The following SLC6A15 variants were observed in gnomAD, a reference collection of about 807,000 sequenced individuals.
The protein encoded by SLC6A15 is sodium-dependent neutral amino acid transporter B(0)AT2.
A neutral mutation model predicts 68.5 loss-of-function variants in SLC6A15; 33 were observed. That is an observed-to-expected ratio of 0.48 (90% CI 0.37 to 0.64). The LOEUF (loss-of-function observed/expected upper bound fraction) is 0.64, where lower values mean the gene tolerates loss of function less well. Among genes scored for constraint, SLC6A15 ranks in the 30% least tolerant of loss-of-function variants. The probability of loss-of-function intolerance (pLI) is 0.00; values close to 1 mark genes in which losing one functional copy is unlikely to be tolerated. For missense variants in SLC6A15, 747 were observed against 874.3 expected, an observed-to-expected ratio of 0.85 and a Z score of 1.84; for synonymous variants, 347 against 301.0, an observed-to-expected ratio of 1.15 and a Z score of -1.58.
chr12:84,864,241 A>C (rs915672649), intron 10 of SLC6A15, among the ~76,000 whole-genome samples: 1 of 150,930 alleles, frequency 6.6e-6, no homozygotes, highest in African/African-American at 2.4e-5. Flanking sequence ...TTCTTTTTAC[A>C]TTCCGAATTT....
At chr12:84,894,580 A>G (rs574740898) in intron 1 of SLC6A15, among the ~76,000 whole-genome samples, 5 of 152,282 alleles carry the variant, frequency 3.3e-5, no homozygotes, top group African/African-American at 1.2e-4. Flanking sequence ...AGTGTGAACC[A>G]TGAATCTCCC....
chr12:84,892,064 A>T lies in SLC6A15; in HGVS notation c.57T>A (p.Ser19=). 1 of 1,613,946 alleles carries T rather than the reference A, an allele frequency of 6.2e-7. No homozygotes were observed. Among genetic ancestry groups the T allele is most frequent in the Non-Finnish European group, 8.5e-7 (1 of 1,179,952 alleles). The change falls in exon 2 of 12, where the codon TCT becomes TCA. Residue 19 remains serine, a synonymous_variant. Transcript: ENST00000266682. ...KRELDDDVTE[S]VKDLLSNEDA... is the part of the protein sequence containing the mutation. The stretch of plus-strand genomic sequence containing the variant: ...CTTCATTGGAAAGAAGGTCTTTGAC[A>T]GACTCAGTAACATCATCATCTAATT...
intron 2 of SLC6A15, among the ~76,000 whole-genome samples, chr12:84,889,535 A>AAAATAAAAAT (rs1268096412): frequency 6.6e-6 from 1 of 151,780 alleles, no homozygotes; most frequent in African/African-American, 2.4e-5. Flanking sequence ...AATAAAAATA[A>AAAATAAAAAT]AAAAAACAGT....
chr12:84,893,235 C>A (rs1309682117), intron 1 of SLC6A15, among the ~76,000 whole-genome samples: 1 of 152,098 alleles, frequency 6.6e-6, no homozygotes, highest in East Asian at 1.9e-4. Flanking sequence ...AATGACCCAA[C>A]ATTATTACAA....
chr12:84,879,641 A>G (rs1012382710), intron 5 of SLC6A15, among the ~76,000 whole-genome samples: 1 of 151,878 alleles, frequency 6.6e-6, no homozygotes, highest in Non-Finnish European at 1.5e-5. Context: ...CACACTTTGT[A>G]TGTGCTTCTG....
At chr12:84,883,367 A>T (rs537605643) in intron 5 of SLC6A15, 49 of 1,001,352 alleles carry the variant, frequency 4.9e-5, no homozygotes, top group Admixed American at 5.5e-5. Flanking sequence ...TTAACTACTT[A>T]ATGATGTTCA....
At chr12:84,865,488 A>G (rs1252761471) in intron 10 of SLC6A15, among the ~76,000 whole-genome samples, 4 of 152,194 alleles carry the variant, frequency 2.6e-5, no homozygotes, top group Non-Finnish European at 5.9e-5. Flanking sequence ...CCCACAGTTT[A>G]CACTGGAATT....
intron 2 of SLC6A15, among the ~76,000 whole-genome samples, chr12:84,889,067 C>T (rs1872258625): frequency 1.3e-5 from 2 of 152,190 alleles, no homozygotes; most frequent in African/African-American, 4.8e-5. Flanking sequence ...GAATGCCACT[C>T]AGAGAGGCCA....
intron 6 of SLC6A15, among the ~76,000 whole-genome samples, chr12:84,874,808 A>T (rs1280550911): frequency 1.3e-5 from 2 of 151,912 alleles, no homozygotes; most frequent in Admixed American, 1.3e-4. Context: ...CTAAATCTCC[A>T]CTCACTGTTT....
At chr12:84,887,941 T>C (rs553020372) in intron 2 of SLC6A15, among the ~76,000 whole-genome samples, 1 of 151,852 alleles carries the variant, frequency 6.6e-6, no homozygotes, top group Non-Finnish European at 1.5e-5. Flanking sequence ...AAAAGATACT[T>C]GAGGCTGGGC....
chr12:84,877,838 T>C (rs1305553814), intron 5 of SLC6A15, among the ~76,000 whole-genome samples: 2 of 152,194 alleles, frequency 1.3e-5, no homozygotes, highest in African/African-American at 4.8e-5. Flanking sequence ...TGTTTCTGTG[T>C]TTATTTTTTG....
chr12:84,902,333 C>T (rs1007980538), intron 1 of SLC6A15, among the ~76,000 whole-genome samples: 3 of 151,838 alleles, frequency 2.0e-5, no homozygotes, highest in Admixed American at 1.3e-4. Context: ...AATGGCTAAA[C>T]TTTGTTTTTT....
At chr12:84,865,438 G>C (rs7977074) in intron 10 of SLC6A15, among the ~76,000 whole-genome samples, 25,845 of 152,136 alleles carry the variant, frequency 0.17, 2,685 homozygotes, top group South Asian at 0.3. Context: ...GGTTACAATT[G>C]ATGAACCTAC....
rs959631170 is a variant in SLC6A15, at chr12:84,859,650, G to A, written c.*1982C>T. On this transcript the variant is annotated 3_prime_UTR_variant, in exon 12 of 12. Transcript: ENST00000266682. Reference sequence around the variant, plus strand: ...ATTTGGCAATACATTATTGTGTTACGGTTAAAGTCTGGCAGGTTAAGTATT... The same window carrying A: ...ATTTGGCAATACATTATTGTGTTACAGTTAAAGTCTGGCAGGTTAAGTATT... 1 of 151,694 alleles carries A rather than the reference G, an allele frequency of 6.6e-6. No homozygotes were observed. The highest frequency in any genetic ancestry group is 1.5e-5 in the Non-Finnish European group (1 of 67,866). The allele number at this position is 151,694 out of a possible 1,614,324, so 9.4% of individuals were successfully genotyped here. A position where few individuals can be genotyped will look rare whatever the true frequency, so the allele number is the denominator to read the frequency against.
At chr12:84,901,385 G>C (rs1872870349) in intron 1 of SLC6A15, among the ~76,000 whole-genome samples, 2 of 151,684 alleles carry the variant, frequency 1.3e-5, no homozygotes, top group Admixed American at 1.3e-4. Flanking sequence ...CAAACTCATT[G>C]CCCTAAAGTG....
At chr12:84,872,221 T>G (rs1871315677) in intron 8 of SLC6A15, among the ~76,000 whole-genome samples, 1 of 151,888 alleles carries the variant, frequency 6.6e-6, no homozygotes, top group African/African-American at 2.4e-5. Context: ...CTATTTTAAA[T>G]ATTATTCATG....
Position 84,870,663 on chromosome 12 carries a change from T to C in SLC6A15, c.1310A>G (p.Gln437Arg). ...KIEEELNKAV[Q>R]GTGLAFIAFT... Reference sequence around the variant, plus strand: ...GGCAATAAAAGCTAAGCCGGTCCCCTGAACAGCCTGCAAAATACACAAAAT... The same window carrying C: ...GGCAATAAAAGCTAAGCCGGTCCCCCGAACAGCCTGCAAAATACACAAAAT... Residue 437 changes from glutamine (Q) to arginine (R), a missense_variant, in exon 9 of 12, where the codon CAG (glutamine) becomes CGG (arginine). Physicochemically the swap from Gln to Arg is conservative, Grantham distance 43 (BLOSUM62 1). Transcript: ENST00000266682. The C allele has an allele frequency of 1.2e-6, 2 of 1,606,986 alleles. No individual in the cohort carries two copies. The highest frequency in any genetic ancestry group is 2.7e-5 in the African/African-American group (2 of 74,764).
intron 1 of SLC6A15, among the ~76,000 whole-genome samples, chr12:84,902,533 C>T (rs1872932741): frequency 6.6e-6 from 1 of 151,636 alleles, no homozygotes; most frequent in Non-Finnish European, 1.5e-5. Flanking sequence ...AAAAAACTTA[C>T]AAAACTTGTA....
At chr12:84,886,419 A>T (rs1744189346) in intron 2 of SLC6A15, among the ~76,000 whole-genome samples, 1 of 152,150 alleles carries the variant, frequency 6.6e-6, no homozygotes, top group South Asian at 2.1e-4. Context: ...TAGAAATCTT[A>T]TTCACACAAT....
Sources: gnomAD v4.1 joint callset for allele counts (sites outside exome capture counted in the v4.1 genomes callset) on GRCh38, gnomAD v4.1.1 for gene constraint, MANE v1.5 for transcripts, NCBI Gene and HGNC (gene_info 2026-07-23, HGNC 2026-07-21) for gene names.